The following KCTD16 variants were observed in gnomAD, a reference collection of about 807,000 sequenced individuals.
KCTD16 encodes potassium channel tetramerization domain containing 16, also known as BTB/POZ domain-containing protein KCTD16.
KCTD16 carries 13 observed loss-of-function variants against 33.2 expected under a neutral mutation model. The observed-to-expected ratio is 0.39, with a 90% CI of 0.25 to 0.62. The LOEUF (loss-of-function observed/expected upper bound fraction) is 0.62, where lower values mean the gene tolerates loss of function less well. KCTD16 is among the 20% of genes least tolerant of loss of function. KCTD16 has a pLI of 0.50. For synonymous variants in KCTD16, 197 were observed against 195.3 expected, an observed-to-expected ratio of 1.01 and a Z score of -0.07; for missense variants, 441 against 525.1, an observed-to-expected ratio of 0.84 and a Z score of 1.57.
rs181571104 is a variant in KCTD16, at chr5:144,206,552, T to C, written c.-163T>C. On this transcript the variant is annotated 5_prime_UTR_variant, in exon 3 of 4. Coordinates refer to ENST00000512467, the MANE Select transcript of KCTD16 (RefSeq NM_020768.4). ...GCATCACTTCACCTGTGGACTCTTA[T>C]ACATTTTGATTTCTTGGGGGAAAAA... 53 of 640,000 alleles carry C rather than the reference T, an allele frequency of 8.3e-5. No individual in the cohort carries two copies. The highest frequency in any genetic ancestry group is 7.1e-4 in the Admixed American group (24 of 33,756). The allele number at this position is 640,000 out of a possible 1,614,324, so 39.6% of individuals were successfully genotyped here.
At position 144,484,466 on chromosome 5, in the gene KCTD16, G is replaced by C. The variant is rs899704823; in HGVS notation, c.*10352G>C. 1 of 151,846 alleles carries C rather than the reference G, an allele frequency of 6.6e-6. No homozygotes were observed. The allele number at this position is 151,846 out of a possible 1,614,324, so 9.4% of individuals were successfully genotyped here. A position where few individuals can be genotyped will look rare whatever the true frequency, so the allele number is the denominator to read the frequency against. ...TCTTTCAAAACCAGAGCACTGGGTC[G>C]AACCTAACCCACAAAATAATTCGTC... On this transcript the variant is annotated 3_prime_UTR_variant, in exon 4 of 4. Transcript: ENST00000512467.
intron 2 of KCTD16, among the ~76,000 whole-genome samples, chr5:144,184,014 A>G (rs1222709733): frequency 6.6e-6 from 1 of 152,174 alleles, no homozygotes; most frequent in African/African-American, 2.4e-5. Context: ...TATTCATTCA[A>G]TATTAGTACC....
At chr5:144,274,716 A>C (rs909672746) in intron 3 of KCTD16, among the ~76,000 whole-genome samples, 7 of 152,082 alleles carry the variant, frequency 4.6e-5, no homozygotes, top group African/African-American at 1.7e-4. Flanking sequence ...GTACCTTTCT[A>C]TTTCCTCCTT....
At chr5:144,200,546 G>C (rs1310774211) in intron 2 of KCTD16, among the ~76,000 whole-genome samples, 2 of 152,180 alleles carry the variant, frequency 1.3e-5, no homozygotes, top group Non-Finnish European at 2.9e-5. Flanking sequence ...TTTGACAGCT[G>C]TATTTGATCT....
At chr5:144,388,791 T>C (rs1411667173) in intron 3 of KCTD16, among the ~76,000 whole-genome samples, 3 of 152,182 alleles carry the variant, frequency 2.0e-5, no homozygotes, top group Non-Finnish European at 4.4e-5. Flanking sequence ...ATCAAACACC[T>C]ACAATATTGA....
chr5:144,445,466 C>A (rs2126980558), intron 3 of KCTD16, among the ~76,000 whole-genome samples: 1 of 152,088 alleles, frequency 6.6e-6, no homozygotes, highest in Non-Finnish European at 1.5e-5. Context: ...TTTCTCTTTT[C>A]CTTATAACAT....
intron 3 of KCTD16, among the ~76,000 whole-genome samples, chr5:144,281,309 T>C (rs1171511218): frequency 6.6e-6 from 1 of 152,248 alleles, no homozygotes; most frequent in Non-Finnish European, 1.5e-5. Flanking sequence ...GAATGTGTTT[T>C]GGTTCTAATG....
chr5:144,249,750 T>C (rs1007620310), intron 3 of KCTD16, among the ~76,000 whole-genome samples: 1 of 152,182 alleles, frequency 6.6e-6, no homozygotes. Flanking sequence ...ATTTTATATA[T>C]GAAAATGAGG....
chr5:144,381,211 C>T (rs960698168), intron 3 of KCTD16, among the ~76,000 whole-genome samples: 1 of 151,938 alleles, frequency 6.6e-6, no homozygotes, highest in Non-Finnish European at 1.5e-5. Flanking sequence ...ACATCAGTAA[C>T]CATCAGAGAA....
intron 2 of KCTD16, among the ~76,000 whole-genome samples, chr5:144,203,054 A>C (rs1753079086): frequency 6.6e-6 from 1 of 152,164 alleles, no homozygotes; most frequent in Non-Finnish European, 1.5e-5. Context: ...TTGTGGATTC[A>C]TTTCCTAGGT....
intron 3 of KCTD16, among the ~76,000 whole-genome samples, chr5:144,447,136 A>G (rs1753837188): frequency 6.6e-6 from 1 of 152,204 alleles, no homozygotes; most frequent in Admixed American, 6.5e-5. Context: ...TGTTCACAAT[A>G]GCAAAGACTT....
chr5:144,191,494 C>T (rs946952572), intron 2 of KCTD16, among the ~76,000 whole-genome samples: 1 of 152,202 alleles, frequency 6.6e-6, no homozygotes, highest in Non-Finnish European at 1.5e-5. Context: ...TTCCCTTCTA[C>T]ATAGAACCTT....
intron 3 of KCTD16, among the ~76,000 whole-genome samples, chr5:144,416,844 A>G (rs770875038): frequency 3.3e-5 from 5 of 152,044 alleles, no homozygotes; most frequent in Non-Finnish European, 7.4e-5. Context: ...TTTATTTTGG[A>G]TATTTCATAT....
At chr5:144,282,006 G>T (rs1234965993) in intron 3 of KCTD16, among the ~76,000 whole-genome samples, 4 of 152,020 alleles carry the variant, frequency 2.6e-5, no homozygotes, top group African/African-American at 7.2e-5. Context: ...TAGTTTTCTG[G>T]CATATAGCTC....
chr5:144,411,868 A>AATAG (rs1752940222), intron 3 of KCTD16, among the ~76,000 whole-genome samples: 1 of 152,216 alleles, frequency 6.6e-6, no homozygotes, highest in South Asian at 2.1e-4. Flanking sequence ...AAAGGATCTG[A>AATAG]ATAGATGTTC....
At chr5:144,222,012 G>T (rs1289933743) in intron 3 of KCTD16, among the ~76,000 whole-genome samples, 1 of 152,162 alleles carries the variant, frequency 6.6e-6, no homozygotes, top group Non-Finnish European at 1.5e-5. Context: ...TTTCTCTAAT[G>T]ACCAGTGATG....
At chr5:144,236,916 A>C (rs1222842775) in intron 3 of KCTD16, among the ~76,000 whole-genome samples, 1 of 152,034 alleles carries the variant, frequency 6.6e-6, no homozygotes, top group Non-Finnish European at 1.5e-5. Flanking sequence ...TCATATTGGC[A>C]ATGGCTATCT....
intron 3 of KCTD16, among the ~76,000 whole-genome samples, chr5:144,228,861 G>A (rs974825276): frequency 1.3e-5 from 2 of 152,180 alleles, no homozygotes; most frequent in East Asian, 1.9e-4. Flanking sequence ...TGTACATATA[G>A]TACCTACGTA....
Position 144,446,094 on chromosome 5 carries a change from C to T in KCTD16, c.833-27566C>T, listed in dbSNP as rs568507952. 2.6e-5 allele frequency among the ~76,000 whole-genome samples: 4 copies of T among 151,812 alleles called. No homozygotes were observed. The East Asian group carries it at 7.8e-4, about 30-fold the overall frequency. On this transcript the variant is annotated intron_variant, in intron 3 of 3. Transcript: ENST00000512467. Reference sequence around the variant, plus strand: ...ATTGTAGATGATTTGTTCCCTTCTGCTTGTATTTTAATATTTGTGGGGATA... The same window carrying T: ...ATTGTAGATGATTTGTTCCCTTCTGTTTGTATTTTAATATTTGTGGGGATA...
Sources: allele counts gnomAD v4.1 joint callset (sites outside exome capture counted in the v4.1 genomes callset), GRCh38; gene constraint gnomAD v4.1.1; transcripts MANE v1.5; gene names NCBI Gene and HGNC (gene_info 2026-07-23, HGNC 2026-07-21).